DNM3: variants seen among roughly 807,000 people sequenced by gnomAD.
The protein encoded by DNM3 is dynamin 3.
Under a neutral mutation model 101.6 loss-of-function variants are expected in DNM3, and 47 were observed. The observed-to-expected ratio is 0.46, with a 90% CI of 0.37 to 0.59. The LOEUF (loss-of-function observed/expected upper bound fraction) is 0.59. Among genes scored for constraint, DNM3 ranks in the 20% least tolerant of loss-of-function variants. The pLI is 0.00. For synonymous variants in DNM3, 385 were observed against 387.9 expected (o/e 0.99, Z 0.09); for missense variants, 849 against 1,085.7 (o/e 0.78, Z 3.06).
chr1:172,370,522 T>C (rs928505804), intron 17 of DNM3, among the ~76,000 whole-genome samples: 3 of 151,998 alleles, frequency 2.0e-5, no homozygotes, highest in African/African-American at 7.2e-5. Context: ...GCCCTTACCT[T>C]TTCTTTAATT....
intron 14 of DNM3, among the ~76,000 whole-genome samples, chr1:172,205,521 A>T (rs1324206288): frequency 6.6e-6 from 1 of 152,168 alleles, no homozygotes; most frequent in Non-Finnish European, 1.5e-5. Context: ...AATAATAATG[A>T]ATCCCTTATA....
chr1:172,325,974 T>C (rs2065921655), intron 17 of DNM3, among the ~76,000 whole-genome samples: 1 of 152,116 alleles, frequency 6.6e-6, no homozygotes, highest in East Asian at 1.9e-4. Flanking sequence ...TAACCTGGGG[T>C]ATATGGAACA....
At chr1:171,919,751 A>G (rs1349185326) in intron 1 of DNM3, among the ~76,000 whole-genome samples, 1 of 152,228 alleles carries the variant, frequency 6.6e-6, no homozygotes, top group Non-Finnish European at 1.5e-5. Context: ...GTATTTAAAT[A>G]TATTCAAAAC....
intron 15 of DNM3, among the ~76,000 whole-genome samples, chr1:172,291,665 G>A (rs1360806216): frequency 1.3e-5 from 2 of 152,170 alleles, no homozygotes; most frequent in East Asian, 1.9e-4. Context: ...AAGTGAGAAA[G>A]CATATTTACT....
rs536698088 is a variant in DNM3 at position 172,092,660 on chromosome 1, T to A, written c.1494-164T>A. ...GAGTTATGTGCTATTAGGAGTCCCA[T>A]TGAGTTGGTTTTGCTTCCAGAATTA... On this transcript the variant is annotated intron_variant, in intron 12 of 20. Coordinates refer to ENST00000627582, the MANE Select transcript of DNM3 (RefSeq NM_015569.5). Among the ~76,000 whole-genome samples, 4 of 152,306 alleles carry A rather than the reference T, an allele frequency of 2.6e-5. No individual in the cohort carries two copies. In the East Asian group the frequency reaches 7.7e-4, roughly 29 times the overall value.
chr1:172,217,647 T>A (rs10489293), intron 14 of DNM3, among the ~76,000 whole-genome samples: 2 of 152,066 alleles, frequency 1.3e-5, no homozygotes. Flanking sequence ...AAATTTAGCC[T>A]GTATCTTACA....
At chr1:172,336,644 A>G (rs1051247690) in intron 17 of DNM3, among the ~76,000 whole-genome samples, 1 of 151,468 alleles carries the variant, frequency 6.6e-6, no homozygotes, top group Admixed American at 6.6e-5. Flanking sequence ...ACAGCCTACA[A>G]TGTTTTCTTT....
intron 1 of DNM3, among the ~76,000 whole-genome samples, chr1:171,885,897 G>A (rs1257116686): frequency 6.6e-6 from 1 of 152,144 alleles, no homozygotes; most frequent in Non-Finnish European, 1.5e-5. Flanking sequence ...TTGGTTTGGG[G>A]TGCTTATAAC....
chr1:172,318,389 C>A (rs1308906990), intron 16 of DNM3, among the ~76,000 whole-genome samples: 3 of 152,082 alleles, frequency 2.0e-5, no homozygotes, highest in Admixed American at 6.5e-5. Context: ...CTGGCCAGGG[C>A]AATCAGGCAG....
chr1:172,320,662 A>G (rs1308025656), intron 16 of DNM3, among the ~76,000 whole-genome samples: 2 of 152,164 alleles, frequency 1.3e-5, no homozygotes, highest in South Asian at 2.1e-4. Context: ...TTAGGAAACT[A>G]TCAGTGGGAT....
chr1:172,087,042 C>T (rs1025250699), intron 12 of DNM3, among the ~76,000 whole-genome samples: 15 of 152,050 alleles, frequency 9.9e-5, no homozygotes, highest in Non-Finnish European at 1.8e-4. Context: ...TTTCACTTTT[C>T]GGCCCACTGC....
intron 1 of DNM3, among the ~76,000 whole-genome samples, chr1:171,883,452 T>C (rs937027325): frequency 4.0e-5 from 6 of 151,256 alleles, no homozygotes; most frequent in South Asian, 2.1e-4. Context: ...TAAACTGCAT[T>C]TGATTCCTCT....
chr1:172,273,890 G>A (rs2063177356), intron 15 of DNM3, among the ~76,000 whole-genome samples: 1 of 152,050 alleles, frequency 6.6e-6, no homozygotes, highest in African/African-American at 2.4e-5. Context: ...TTGTGAAATG[G>A]CAGTTATGCA....
At chr1:172,005,871 A>G (rs1414823636) in intron 4 of DNM3, among the ~76,000 whole-genome samples, 1 of 152,058 alleles carries the variant, frequency 6.6e-6, no homozygotes, top group African/African-American at 2.4e-5. Flanking sequence ...TTTGTGAGTG[A>G]AGGACAAAAT....
At chr1:171,880,384 C>T (rs1234110384) in intron 1 of DNM3, among the ~76,000 whole-genome samples, 1 of 152,178 alleles carries the variant, frequency 6.6e-6, no homozygotes, top group African/African-American at 2.4e-5. Flanking sequence ...AGCTTGAATC[C>T]TGTATGTCTT....
intron 1 of DNM3, among the ~76,000 whole-genome samples, chr1:171,898,159 T>A (rs185849022): frequency 1.1e-3 from 171 of 152,286 alleles, no homozygotes; most frequent in Middle Eastern, 0.01. Context: ...ATGGAAATAA[T>A]AAAAATGGGA....
Position 172,197,522 on chromosome 1 carries a change from AATTCTTCCT to A in DNM3, c.1660-56048_1660-56040del, listed in dbSNP as rs561534964. 2.7e-3 allele frequency among the ~76,000 whole-genome samples: 405 copies of A among 152,070 alleles called. 4 individuals carry two copies. The highest frequency in any genetic ancestry group is 0.026 in the South Asian group (127 of 4,816). On this transcript the variant is annotated intron_variant, in intron 14 of 20. Coordinates refer to ENST00000627582, the MANE Select transcript of DNM3 (RefSeq NM_015569.5). Reference sequence around the variant, plus strand: ...GCAGTATAACCATTTTAATGATATCAATTCTTCCTATCCATGAGCATGGGATGTTTTTTC... The same window carrying A: ...GCAGTATAACCATTTTAATGATATCAATCCATGAGCATGGGATGTTTTTTC...
intron 14 of DNM3, among the ~76,000 whole-genome samples, chr1:172,188,320 T>A (rs2059591061): frequency 6.6e-6 from 1 of 152,022 alleles, no homozygotes. Flanking sequence ...CTCAGGTGGT[T>A]TTCCTGCTTC....
intron 2 of DNM3, among the ~76,000 whole-genome samples, chr1:171,981,770 A>C (rs950977122): frequency 6.6e-6 from 1 of 152,252 alleles, no homozygotes; most frequent in African/African-American, 2.4e-5. Flanking sequence ...AAAATAATCA[A>C]AACTAGGAGT....
Sources: gnomAD v4.1 joint callset for allele counts (sites outside exome capture counted in the v4.1 genomes callset) on GRCh38, gnomAD v4.1.1 for gene constraint, MANE v1.5 for transcripts, NCBI Gene and HGNC (gene_info 2026-07-23, HGNC 2026-07-21) for gene names.